Variants in PTPRD observed in about 807,000 individuals in gnomAD.
PTPRD encodes receptor-type tyrosine-protein phosphatase delta.
PTPRD carries 34 observed loss-of-function variants against 214.5 expected under a neutral mutation model. That is an observed-to-expected ratio of 0.16 (90% CI 0.12 to 0.21). The LOEUF (loss-of-function observed/expected upper bound fraction) is 0.21. Among genes scored for constraint, PTPRD ranks in the 10% least tolerant of loss-of-function variants. The pLI, the probability that PTPRD is intolerant of heterozygous loss-of-function variation, is 1.00. For missense variants in PTPRD, 2,545 were observed against 2,398.7 expected (o/e 1.06, Z -1.27); for synonymous variants, 1,128 against 845.7 (o/e 1.33, Z -5.79).
At chr9:8,351,176 A>T (rs1178672775) in intron 39 of PTPRD, among the ~76,000 whole-genome samples, 1 of 152,190 alleles carries the variant, frequency 6.6e-6, no homozygotes, top group Non-Finnish European at 1.5e-5. Context: ...CCAAAATAGC[A>T]TCTAAGACAT....
chr9:10,047,312 CTG>C (rs56257525), intron 3 of PTPRD, among the ~76,000 whole-genome samples: 56,670 of 138,784 alleles, frequency 0.41, 12,501 homozygotes, highest in Middle Eastern at 0.58. Flanking sequence ...AATCAACTAA[CTG>C]TGTGTGTGTG....
At chr9:9,038,245 G>C (rs2099628105) in intron 10 of PTPRD, among the ~76,000 whole-genome samples, 1 of 152,128 alleles carries the variant, frequency 6.6e-6, no homozygotes, top group African/African-American at 2.4e-5. Flanking sequence ...ATGTATGTTT[G>C]ATAGCACGTT....
chr9:8,702,904 G>A (rs1037430791), intron 12 of PTPRD, among the ~76,000 whole-genome samples: 1 of 152,202 alleles, frequency 6.6e-6, no homozygotes, highest in African/African-American at 2.4e-5. Flanking sequence ...ACTGCGCCCG[G>A]CCATAAGATA....
At chr9:10,353,445 C>A (rs2097215801) in intron 2 of PTPRD, among the ~76,000 whole-genome samples, 1 of 151,942 alleles carries the variant, frequency 6.6e-6, no homozygotes, top group African/African-American at 2.4e-5. Flanking sequence ...TTGTTCACAT[C>A]ATTATAATAA....
At chr9:9,331,876 T>C (rs1288484757) in intron 9 of PTPRD, among the ~76,000 whole-genome samples, 1 of 152,072 alleles carries the variant, frequency 6.6e-6, no homozygotes, top group African/African-American at 2.4e-5. Flanking sequence ...TTAGTTCATG[T>C]TGATATGCCC....
At chr9:10,006,464 C>G (rs16930782) in intron 4 of PTPRD, among the ~76,000 whole-genome samples, 4,630 of 151,942 alleles carry the variant, frequency 0.03, 259 homozygotes, top group African/African-American at 0.1. Flanking sequence ...TCTTTATGAT[C>G]TAGTCCATAT....
intron 10 of PTPRD, among the ~76,000 whole-genome samples, chr9:9,019,659 C>T (rs986827144): frequency 6.6e-6 from 1 of 152,118 alleles, no homozygotes; most frequent in African/African-American, 2.4e-5. Flanking sequence ...TGAGCCAAGG[C>T]TGTGCCACTG....
intron 8 of PTPRD, among the ~76,000 whole-genome samples, chr9:9,563,718 A>G (rs984032722): frequency 6.6e-6 from 1 of 152,174 alleles, no homozygotes; most frequent in African/African-American, 2.4e-5. Flanking sequence ...CCATTAAGTA[A>G]TATCCCATGC....
intron 11 of PTPRD, among the ~76,000 whole-genome samples, chr9:8,938,629 A>G (rs1016503222): frequency 6.6e-6 from 1 of 152,094 alleles, no homozygotes; most frequent in Non-Finnish European, 1.5e-5. Flanking sequence ...ATAGCATTTA[A>G]TAGAAGGACA....
At chr9:9,928,642 C>T (rs1290262465) in intron 5 of PTPRD, among the ~76,000 whole-genome samples, 1 of 151,938 alleles carries the variant, frequency 6.6e-6, no homozygotes, top group Non-Finnish European at 1.5e-5. Flanking sequence ...ATTAACTAAT[C>T]TGAATATTTT....
intron 3 of PTPRD, among the ~76,000 whole-genome samples, chr9:10,276,197 C>T (rs2094680282): frequency 6.6e-6 from 1 of 152,166 alleles, no homozygotes; most frequent in Non-Finnish European, 1.5e-5. Context: ...TCAGGTTAAA[C>T]ATATGAACAG....
At chr9:10,007,464 A>T (rs1187781909) in intron 4 of PTPRD, among the ~76,000 whole-genome samples, 1 of 152,026 alleles carries the variant, frequency 6.6e-6, no homozygotes, top group African/African-American at 2.4e-5. Context: ...AGGCGTTCTG[A>T]ATTACTTGTC....
intron 8 of PTPRD, among the ~76,000 whole-genome samples, chr9:9,483,326 T>C (rs1236927211): frequency 6.6e-6 from 1 of 152,178 alleles, no homozygotes. Context: ...CCTTATGACA[T>C]TACAGAATAC....
At chr9:9,150,330 GT>G (rs2099875593) in intron 10 of PTPRD, among the ~76,000 whole-genome samples, 2 of 151,492 alleles carry the variant, frequency 1.3e-5, no homozygotes, top group African/African-American at 2.4e-5. Flanking sequence ...TTGTGCTAGC[GT>G]AGGGTTGGGG....
chr9:10,011,884 A>C (rs1380501180), intron 4 of PTPRD, among the ~76,000 whole-genome samples: 3 of 152,100 alleles, frequency 2.0e-5, no homozygotes, highest in African/African-American at 7.2e-5. Flanking sequence ...GTAAGGATGC[A>C]GAGACAGTGG....
chr9:10,555,427 T>C (rs1443250480), intron 2 of PTPRD, among the ~76,000 whole-genome samples: 4 of 152,184 alleles, frequency 2.6e-5, no homozygotes, highest in Non-Finnish European at 5.9e-5. Flanking sequence ...TAGCAGTTAG[T>C]CTTCAGATGT....
chr9:9,978,231 T>A (rs995729582), intron 4 of PTPRD, among the ~76,000 whole-genome samples: 2 of 152,162 alleles, frequency 1.3e-5, no homozygotes, highest in South Asian at 2.1e-4. Flanking sequence ...GACTCATAGA[T>A]CACCTGAGTG....
Position 9,698,320 on chromosome 9 carries a change from T to C in PTPRD, c.-287+36213A>G, listed in dbSNP as rs78913748. Among the ~76,000 whole-genome samples, 555 of 152,344 alleles carry C rather than the reference T, an allele frequency of 3.6e-3. 4 individuals carry two copies. Among genetic ancestry groups the C allele is most frequent in the African/African-American group, 0.012 (518 of 41,590 alleles). Reference sequence around the variant, plus strand: ...AGAGGTTTCTTTGCAATATAGTTACTGAGTATCTTTTCTGCTAAGTTACTT... The same window carrying C: ...AGAGGTTTCTTTGCAATATAGTTACCGAGTATCTTTTCTGCTAAGTTACTT... On this transcript the variant is annotated intron_variant, in intron 7 of 45. Transcript: ENST00000381196.
intron 5 of PTPRD, among the ~76,000 whole-genome samples, chr9:9,888,915 C>T (rs1417158686): frequency 6.6e-6 from 1 of 152,104 alleles, no homozygotes; most frequent in African/African-American, 2.4e-5. Flanking sequence ...ATGAGAAAGG[C>T]AAACCCTAAC....
Sources: allele counts gnomAD v4.1 joint callset (sites outside exome capture counted in the v4.1 genomes callset), GRCh38; gene constraint gnomAD v4.1.1; transcripts MANE v1.5; gene names NCBI Gene and HGNC (gene_info 2026-07-23, HGNC 2026-07-21).